SNTG1: variants seen among roughly 807,000 people sequenced by gnomAD.
SNTG1 encodes gamma-1-syntrophin.
SNTG1 carries 39 observed loss-of-function variants against 74.7 expected under a neutral mutation model. The ratio of observed to expected loss-of-function variants is 0.52; its 90% CI spans 0.40 to 0.68. The LOEUF is 0.68. Ranked by LOEUF, SNTG1 falls within the 30% of genes least tolerant of loss-of-function variation. SNTG1 has a pLI of 0.00. For synonymous variants in SNTG1, 254 were observed against 217.1 expected (o/e 1.17, Z -1.49); for missense variants, 685 against 609.5 (o/e 1.12, Z -1.30).
At chr8:50,400,040 G>A (rs2092782076) in intron 3 of SNTG1, among the ~76,000 whole-genome samples, 1 of 152,154 alleles carries the variant, frequency 6.6e-6, no homozygotes, top group Non-Finnish European at 1.5e-5. Context: ...GTGTGCATCA[G>A]CACACGAGAA....
chr8:50,793,798 G>A lies in SNTG1; in HGVS notation c.*969G>A, dbSNP rs1202790475. Reference sequence around the variant, plus strand: ...AATGTCCCCCGAAAACAGTCCCAAAGCTATTATAGATGTTAATTAAATGAC... The same window carrying A: ...AATGTCCCCCGAAAACAGTCCCAAAACTATTATAGATGTTAATTAAATGAC... On this transcript the variant is annotated 3_prime_UTR_variant, in exon 19 of 19. Coordinates refer to ENST00000642720, the MANE Select transcript of SNTG1 (RefSeq NM_018967.5). The A allele has an allele frequency of 6.6e-6, 1 of 151,730 alleles. No homozygotes were observed. Among genetic ancestry groups the A allele is most frequent in the Non-Finnish European group, 1.5e-5 (1 of 67,842 alleles). 9.4% of individuals were successfully genotyped at this position (151,730 alleles called of 1,614,324 possible). A position where few individuals can be genotyped will look rare whatever the true frequency, so the allele number is the denominator to read the frequency against.
intron 3 of SNTG1, among the ~76,000 whole-genome samples, chr8:50,400,301 A>G (rs188204369): frequency 1.4e-4 from 21 of 152,352 alleles, no homozygotes; most frequent in Admixed American, 1.3e-3. Context: ...TTTGCAAAGT[A>G]TCCTCCATCC....
At chr8:50,549,985 C>T (rs1178848322) in intron 11 of SNTG1, among the ~76,000 whole-genome samples, 1 of 152,148 alleles carries the variant, frequency 6.6e-6, no homozygotes, top group Non-Finnish European at 1.5e-5. Flanking sequence ...CCACCAATTA[C>T]TCATCAAATC....
intron 1 of SNTG1, among the ~76,000 whole-genome samples, chr8:50,080,513 T>G (rs1822307400): frequency 6.6e-6 from 1 of 152,198 alleles, no homozygotes; most frequent in Admixed American, 6.5e-5. Flanking sequence ...AACAGTTGTG[T>G]CTTTTCAGTT....
chr8:50,491,799 A>G (rs1237632453), intron 8 of SNTG1, among the ~76,000 whole-genome samples: 5 of 151,940 alleles, frequency 3.3e-5, no homozygotes, highest in African/African-American at 9.7e-5. Context: ...ATACTTGTGT[A>G]CTTGTGCCAT....
chr8:50,337,324 A>G (rs1298165245), intron 2 of SNTG1, among the ~76,000 whole-genome samples: 1 of 152,132 alleles, frequency 6.6e-6, no homozygotes, highest in Non-Finnish European at 1.5e-5. Flanking sequence ...TTAAACTATA[A>G]CTGATGAATT....
intron 2 of SNTG1, among the ~76,000 whole-genome samples, chr8:50,175,306 G>A (rs1452492077): frequency 6.6e-6 from 1 of 152,182 alleles, no homozygotes; most frequent in East Asian, 1.9e-4. Flanking sequence ...AGCAGCGAGT[G>A]ATCTAGAACT....
chr8:50,372,318 A>AT, intron 2 of SNTG1, among the ~76,000 whole-genome samples: 1 of 151,722 alleles, frequency 6.6e-6, no homozygotes, highest in East Asian at 1.9e-4. Flanking sequence ...ATCTAACATA[A>AT]AATATCTTAT....
intron 8 of SNTG1, among the ~76,000 whole-genome samples, chr8:50,452,156 A>G (rs1045683324): frequency 1.8e-4 from 28 of 152,170 alleles, no homozygotes; most frequent in African/African-American, 6.5e-4. Flanking sequence ...ATAACTAATC[A>G]AGGTTTTTTA....
intron 1 of SNTG1, among the ~76,000 whole-genome samples, chr8:50,134,063 T>C (rs1269374606): frequency 6.6e-6 from 1 of 152,180 alleles, no homozygotes; most frequent in Non-Finnish European, 1.5e-5. Context: ...AAAAGGGCTA[T>C]TGGGGCAGGG....
At chr8:49,959,335 C>T (rs1016248018) in intron 1 of SNTG1, among the ~76,000 whole-genome samples, 1 of 152,182 alleles carries the variant, frequency 6.6e-6, no homozygotes, top group African/African-American at 2.4e-5. Context: ...ATAAATAGGA[C>T]TCCACTGACT....
At chr8:50,618,007 T>C (rs111673997) in intron 13 of SNTG1, among the ~76,000 whole-genome samples, 7,690 of 152,304 alleles carry the variant, frequency 0.05, 362 homozygotes, top group African/African-American at 0.12. Flanking sequence ...TCTCAGTATA[T>C]GGAAGAAAGT....
chr8:50,289,009 T>A (rs952678431), intron 2 of SNTG1, among the ~76,000 whole-genome samples: 1 of 152,230 alleles, frequency 6.6e-6, no homozygotes, highest in Non-Finnish European at 1.5e-5. Context: ...TTCCAACATG[T>A]GACCAGTTTA....
chr8:50,152,234 G>T (rs1308852303), intron 1 of SNTG1, among the ~76,000 whole-genome samples: 1 of 152,066 alleles, frequency 6.6e-6, no homozygotes, highest in East Asian at 1.9e-4. Context: ...GCAAACCCCT[G>T]CCATTTTTTG....
chr8:50,480,502 C>T (rs2093731431), intron 8 of SNTG1, among the ~76,000 whole-genome samples: 1 of 152,194 alleles, frequency 6.6e-6, no homozygotes, highest in African/African-American at 2.4e-5. Context: ...GGCTAATTAA[C>T]AAGCTCCCGA....
At position 50,143,231 on chromosome 8, in the gene SNTG1, T is replaced by C. The variant is rs62516673; in HGVS notation, c.-102-29330T>C. Among the ~76,000 whole-genome samples, 602 of 152,298 alleles carry C rather than the reference T, an allele frequency of 4.0e-3. 14 individuals are homozygous for C. The highest frequency in any genetic ancestry group is 1.5e-3 in the Non-Finnish European group (105 of 68,022). ...CTAGTGGGACATTTGTTTACATGTT[T>C]CTGATTTCCAATACTCACAATAATA... On this transcript the variant is annotated intron_variant, in intron 1 of 18. Coordinates refer to ENST00000642720, the MANE Select transcript of SNTG1 (RefSeq NM_018967.5).
At chr8:50,609,746 GATA>G (rs2094837152) in intron 13 of SNTG1, among the ~76,000 whole-genome samples, 1 of 151,904 alleles carries the variant, frequency 6.6e-6, no homozygotes, top group Non-Finnish European at 1.5e-5. Flanking sequence ...TTTCAGATTG[GATA>G]ATTTCTATTA....
At chr8:50,673,266 G>T (rs1199098504) in intron 15 of SNTG1, among the ~76,000 whole-genome samples, 1 of 152,042 alleles carries the variant, frequency 6.6e-6, no homozygotes, top group Admixed American at 6.6e-5. Flanking sequence ...ATTAATTTGG[G>T]CATTGTGGCC....
At chr8:50,117,512 C>A (rs1012559048) in intron 1 of SNTG1, among the ~76,000 whole-genome samples, 1 of 151,962 alleles carries the variant, frequency 6.6e-6, no homozygotes, top group South Asian at 2.1e-4. Context: ...CAGGGAAATG[C>A]CAATATTTCA....
Sources: gnomAD v4.1 joint callset for allele counts (sites outside exome capture counted in the v4.1 genomes callset) on GRCh38, gnomAD v4.1.1 for gene constraint, MANE v1.5 for transcripts, NCBI Gene and HGNC (gene_info 2026-07-23, HGNC 2026-07-21) for gene names.